Variants in AQR observed in about 807,000 individuals in gnomAD.
AQR encodes the protein RNA helicase aquarius.
A neutral mutation model predicts 180.5 loss-of-function variants in AQR; 61 were observed. The ratio of observed to expected loss-of-function variants is 0.34; its 90% CI spans 0.28 to 0.42. AQR has a LOEUF of 0.42. Ranked by LOEUF, AQR falls within the 10% of genes least tolerant of loss-of-function variation. The pLI is 1.00. For synonymous variants in AQR, 551 were observed against 588.8 expected, an observed-to-expected ratio of 0.94 and a Z score of 0.93; for missense variants, 1,281 against 1,798.3, an observed-to-expected ratio of 0.71 and a Z score of 5.20.
At chr15:34,864,205 C>A (rs937384443) in intron 32 of AQR, among the ~76,000 whole-genome samples, 1 of 152,020 alleles carries the variant, frequency 6.6e-6, no homozygotes, top group Non-Finnish European at 1.5e-5. Flanking sequence ...GTCTTAAAAT[C>A]ATCTAGTTTC....
At chr15:34,881,562 T>C (rs1034728909) in intron 27 of AQR, among the ~76,000 whole-genome samples, 6 of 152,226 alleles carry the variant, frequency 3.9e-5, no homozygotes, top group African/African-American at 1.4e-4. Flanking sequence ...AATTCAAATT[T>C]ACTGCTCAAT....
At position 34,918,627 on chromosome 15, in the gene AQR, T is replaced by G. The variant is rs184508327; in HGVS notation, c.1222-249A>C. Among the ~76,000 whole-genome samples, 24 of 152,366 alleles carry G rather than the reference T, an allele frequency of 1.6e-4. 1 individual carries two copies. The East Asian group carries it at 4.6e-3, about 29-fold the overall frequency. On this transcript the variant is annotated intron_variant, in intron 14 of 34. Coordinates refer to ENST00000156471, the MANE Select transcript of AQR (RefSeq NM_014691.3). ...TGAGTACTGTAAAAGCTGGGCACGT[T>G]ACTTTAACCTTCCTAACCTTAGTTT...
At chr15:34,888,591 C>A (rs934308859) in intron 24 of AQR, among the ~76,000 whole-genome samples, 24 of 151,332 alleles carry the variant, frequency 1.6e-4, no homozygotes, top group Non-Finnish European at 7.4e-5. Flanking sequence ...CAGCTACTCA[C>A]GAGACTGAGG....
intron 19 of AQR, among the ~76,000 whole-genome samples, chr15:34,903,098 C>A (rs1893357186): frequency 6.6e-6 from 1 of 152,038 alleles, no homozygotes; most frequent in South Asian, 2.1e-4. Context: ...TTGCCCATGT[C>A]AGGTGAGGAA....
At chr15:34,945,301 T>C (rs1464700019) in intron 5 of AQR, among the ~76,000 whole-genome samples, 1 of 152,202 alleles carries the variant, frequency 6.6e-6, no homozygotes, top group African/African-American at 2.4e-5. Flanking sequence ...ATCCTCCAAA[T>C]TATTCCTCAC....
chr15:34,858,079 G>A (rs1258459435), intron 34 of AQR, among the ~76,000 whole-genome samples: 1 of 152,072 alleles, frequency 6.6e-6, no homozygotes, highest in African/African-American at 2.4e-5. Context: ...CGTCTCCCAG[G>A]TTCAAGCGAT....
rs1409988488 is a variant in AQR, at chr15:34,969,534, C to T, written c.75+5G>A. ...CTCACACACACCAGACTCGCCCGAG[C>T]TCACCTGGGTCACGAACTCCGCATT... is the stretch of plus-strand genomic sequence containing the variant. On this transcript the variant is annotated splice_donor_5th_base_variant and intron_variant, in intron 1 of 34. Coordinates refer to ENST00000156471, the MANE Select transcript of AQR (RefSeq NM_014691.3). The T allele has an allele frequency of 6.8e-6, 11 of 1,613,520 alleles. No individual in the cohort carries two copies. Among genetic ancestry groups the T allele is most frequent in the Non-Finnish European group, 9.3e-6 (11 of 1,180,000 alleles).
chr15:34,957,154 T>A (rs1247841413), intron 3 of AQR, among the ~76,000 whole-genome samples: 8 of 88,962 alleles, frequency 9.0e-5, no homozygotes, highest in Admixed American at 8.1e-4. Flanking sequence ...ACTGGTCATT[T>A]AAATTTTTTT....
intron 34 of AQR, among the ~76,000 whole-genome samples, chr15:34,859,084 A>G (rs532861969): frequency 6.6e-6 from 1 of 152,340 alleles, no homozygotes; most frequent in South Asian, 2.1e-4. Context: ...AAAATTTAAA[A>G]CTTTTGCTCT....
chr15:34,922,122 A>G (rs1893692579), intron 13 of AQR, among the ~76,000 whole-genome samples: 2 of 152,114 alleles, frequency 1.3e-5, no homozygotes, highest in African/African-American at 2.4e-5. Flanking sequence ...TTAGGTAGGT[A>G]GCCTTTTGAA....
In AQR at chr15:34,940,901, T is replaced by C. The variant is rs1439222647; in HGVS notation, c.639A>G (p.Glu213=). 6.3e-7 allele frequency: 1 copy of C among 1,599,102 alleles called. No homozygotes were observed. The highest frequency in any genetic ancestry group is 8.6e-7 in the Non-Finnish European group (1 of 1,168,822). The part of the protein sequence containing the change: ...NDEKMDPEAR[E]QAYQERRFLS... ...GAAATGAAGCTCTGCCAACATACTG[T>C]TCTCTTGCTTCTGGATCCATCTTTT... is the stretch of plus-strand genomic sequence containing the variant. The change falls in exon 8 of 35, where the codon GAA becomes GAG. Residue 213 remains glutamate (E), a splice_region_variant and synonymous_variant. Coordinates refer to ENST00000156471, the MANE Select transcript of AQR (RefSeq NM_014691.3).
intron 24 of AQR, among the ~76,000 whole-genome samples, 197 bp from the exon 25 acceptor site, chr15:34,886,858 T>A (rs1420330647): frequency 6.6e-6 from 1 of 151,566 alleles, no homozygotes; most frequent in Non-Finnish European, 1.5e-5. Flanking sequence ...TCACGGTGGT[T>A]CACGCCTGTA....
chr15:34,878,893 T>A (rs552036135), intron 27 of AQR, among the ~76,000 whole-genome samples: 36 of 152,228 alleles, frequency 2.4e-4, no homozygotes, highest in Middle Eastern at 6.8e-3. Context: ...CTGGGCCTGG[T>A]GGCGGGTGCC....
chr15:34,910,449 C>A (rs1893483506), intron 16 of AQR, 136 bp from the exon 17 acceptor site: 2 of 957,790 alleles, frequency 2.1e-6, no homozygotes, highest in Admixed American at 2.9e-5. Flanking sequence ...TATTTCTTAA[C>A]TTAAAAAAAA....
rs528551358 is a variant in AQR at position 34,888,978 on chromosome 15, C to G, written c.2681+1237G>C. Among the ~76,000 whole-genome samples the G allele has an allele frequency of 3.3e-5, 5 of 152,236 alleles. No homozygotes were observed. The East Asian group carries it at 9.6e-4, about 29-fold the overall frequency. ...GTCAGAATTTAAAAGTACATTTTTTCTAACAAATTTGGTGGTACCTGAAAT... is the reference window on the plus strand; with the variant it reads ...GTCAGAATTTAAAAGTACATTTTTTGTAACAAATTTGGTGGTACCTGAAAT... On this transcript the variant is annotated intron_variant, in intron 24 of 34. Transcript: ENST00000156471.
intron 9 of AQR, among the ~76,000 whole-genome samples, chr15:34,938,226 C>T (rs901711361): frequency 4.6e-5 from 7 of 152,018 alleles, no homozygotes; most frequent in African/African-American, 9.7e-5. Context: ...TCAATAACCA[C>T]ACTGGTGCCT....
intron 3 of AQR, among the ~76,000 whole-genome samples, chr15:34,959,262 A>G (rs1159974497): frequency 6.6e-6 from 1 of 152,192 alleles, no homozygotes; most frequent in African/African-American, 2.4e-5. Context: ...TCCTGGGCTC[A>G]GGTGATCCTC....
At chr15:34,891,167 T>C (rs1893141263) in intron 23 of AQR, among the ~76,000 whole-genome samples, 1 of 152,068 alleles carries the variant, frequency 6.6e-6, no homozygotes, top group Admixed American at 6.6e-5. Flanking sequence ...ACTGAAGAGA[T>C]TTAACATAAA....
At chr15:34,955,632 G>T (rs1291434836) in intron 3 of AQR, among the ~76,000 whole-genome samples, 1 of 152,182 alleles carries the variant, frequency 6.6e-6, no homozygotes, top group Non-Finnish European at 1.5e-5. Flanking sequence ...GCTACGCCAG[G>T]CACAGTGGCT....
Sources: allele counts gnomAD v4.1 joint callset (sites outside exome capture counted in the v4.1 genomes callset), GRCh38; gene constraint gnomAD v4.1.1; transcripts MANE v1.5; gene names NCBI Gene and HGNC (gene_info 2026-07-23, HGNC 2026-07-21).